ASCC3: variants seen among roughly 807,000 people sequenced by gnomAD.
The protein encoded by ASCC3 is ASC-1 complex subunit P200.
A neutral mutation model predicts 256.3 loss-of-function variants in ASCC3; 158 were observed. The ratio of observed to expected loss-of-function variants is 0.62; its 90% CI spans 0.54 to 0.70. The LOEUF (loss-of-function observed/expected upper bound fraction) is 0.70. Among genes scored for constraint, ASCC3 ranks in the 30% least tolerant of loss-of-function variants. ASCC3 has a pLI of 0.00. For synonymous variants in ASCC3, 948 were observed against 883.4 expected (o/e 1.07, Z -1.30); for missense variants, 2,259 against 2,626.0 (o/e 0.86, Z 3.05).
At chr6:100,741,464 C>T (rs752451090) in intron 10 of ASCC3, among the ~76,000 whole-genome samples, 4 of 152,122 alleles carry the variant, frequency 2.6e-5, no homozygotes, top group East Asian at 3.9e-4. Flanking sequence ...TGGATGATAT[C>T]CTGAAGTATG....
At chr6:100,537,870 C>A (rs1009965025) in intron 37 of ASCC3, among the ~76,000 whole-genome samples, 1 of 150,270 alleles carries the variant, frequency 6.7e-6, no homozygotes, top group African/African-American at 2.4e-5. Flanking sequence ...TTATCCCAGA[C>A]ACTGTATATA....
chr6:100,608,069 T>TACATATATGTATATATCGATATAC (rs1773008513), intron 30 of ASCC3, among the ~76,000 whole-genome samples: 1 of 92,200 alleles, frequency 1.1e-5, no homozygotes, highest in African/African-American at 3.9e-5. Context: ...CACATATATA[T>TACATATATGTATATATCGATATAC]ACATATATAT....
chr6:100,730,932 G>A (rs1182319043), intron 10 of ASCC3, among the ~76,000 whole-genome samples: 1 of 152,114 alleles, frequency 6.6e-6, no homozygotes, highest in Non-Finnish European at 1.5e-5. Flanking sequence ...AAGGATGGTG[G>A]CTTTCAATTA....
In ASCC3 at chr6:100,650,688, T is replaced by C. The variant is rs752852098; in HGVS notation, c.3102A>G (p.Leu1034=). The C allele has an allele frequency of 1.2e-6, 2 of 1,611,298 alleles. No individual in the cohort carries two copies. The highest frequency in any genetic ancestry group is 1.7e-6 in the Non-Finnish European group (2 of 1,177,980). Residue 1034 remains leucine (L), a synonymous_variant, in exon 20 of 42, where the codon TTA becomes TTG. Coordinates refer to ENST00000369162, the MANE Select transcript of ASCC3 (RefSeq NM_006828.4). ...IKVREEEIEE[L]DTLLSNFCEL... ...CACAAAAATTGCTTAATAAGGTATC[T>C]AACTCCTCTATTTCCTCTTCTCTGA...
intron 36 of ASCC3, among the ~76,000 whole-genome samples, chr6:100,542,982 T>A (rs1001940551): frequency 2.0e-5 from 3 of 152,078 alleles, no homozygotes; most frequent in Admixed American, 6.5e-5. Context: ...TAAACAAAAA[T>A]AATAAATAAT....
intron 41 of ASCC3, among the ~76,000 whole-genome samples, 187 bp downstream of exon 41, chr6:100,509,745 G>A (rs920210621): frequency 3.9e-5 from 6 of 152,054 alleles, no homozygotes; most frequent in Non-Finnish European, 8.8e-5. Flanking sequence ...AAAATTAGCC[G>A]GGCGCAGTGG....
At chr6:100,619,224 T>C (rs1340752016) in intron 30 of ASCC3, among the ~76,000 whole-genome samples, 1 of 152,210 alleles carries the variant, frequency 6.6e-6, no homozygotes, top group African/African-American at 2.4e-5. Flanking sequence ...CTCTTCCCTA[T>C]AACTCTAGCT....
intron 3 of ASCC3, among the ~76,000 whole-genome samples, chr6:100,855,727 T>C (rs1392256517): frequency 1.3e-5 from 2 of 152,222 alleles, no homozygotes; most frequent in East Asian, 1.9e-4. Flanking sequence ...TAGAAGCAAC[T>C]ATTTGTTTAC....
At chr6:100,565,596 T>C (rs1159436683) in intron 36 of ASCC3, among the ~76,000 whole-genome samples, 2 of 152,258 alleles carry the variant, frequency 1.3e-5, no homozygotes, top group East Asian at 3.9e-4. Flanking sequence ...CAGTGAAGGT[T>C]CATTTTTTTA....
chr6:100,615,402 A>C (rs1279552423), intron 30 of ASCC3, among the ~76,000 whole-genome samples: 2 of 151,150 alleles, frequency 1.3e-5, no homozygotes, highest in African/African-American at 4.9e-5. Context: ...ATGGCAGATT[A>C]AAATAACAGA....
In ASCC3 at chr6:100,755,024, C is replaced by T. The variant is rs569942501; in HGVS notation, c.1737+11541G>A. On this transcript the variant is annotated intron_variant, in intron 10 of 41. Transcript: ENST00000369162. ...AAACCTCTTTTTCTTTATAAATTAC[C>T]CAGTCTCGGGTATTTCTTCATAGCA... Among the ~76,000 whole-genome samples the T allele has an allele frequency of 4.6e-5, 7 of 151,924 alleles. No individual in the cohort carries two copies. In the South Asian group the frequency reaches 1.5e-3, roughly 32 times the overall value.
intron 10 of ASCC3, among the ~76,000 whole-genome samples, chr6:100,737,071 C>T (rs773735339): frequency 1.1e-4 from 16 of 151,094 alleles, no homozygotes; most frequent in Non-Finnish European, 1.9e-4. Context: ...TGCTTGAACC[C>T]GAGAGGTGGA....
chr6:100,546,590 G>A (rs1775728112), intron 36 of ASCC3, among the ~76,000 whole-genome samples: 1 of 152,070 alleles, frequency 6.6e-6, no homozygotes, highest in South Asian at 2.1e-4. Flanking sequence ...GCAATCTACT[G>A]TATGATAGAA....
At chr6:100,644,165 C>A (rs760197209) in intron 22 of ASCC3, 36 bp from the exon 23 acceptor site, 3 of 1,384,354 alleles carry the variant, frequency 2.2e-6, no homozygotes, top group South Asian at 2.3e-5. Context: ...CTATGCATAT[C>A]ATAACTCAAA....
At chr6:100,833,415 G>A (rs1275797857) in intron 4 of ASCC3, among the ~76,000 whole-genome samples, 1 of 152,128 alleles carries the variant, frequency 6.6e-6, no homozygotes, top group Non-Finnish European at 1.5e-5. Context: ...CCCATACAAT[G>A]TATAATACCA....
At chr6:100,766,097 T>C (rs1781643376) in intron 10 of ASCC3, among the ~76,000 whole-genome samples, 1 of 152,180 alleles carries the variant, frequency 6.6e-6, no homozygotes, top group South Asian at 2.1e-4. Flanking sequence ...TTTCGTCTAA[T>C]ATAGTGCTAT....
chr6:100,740,782 T>C (rs2115069130), intron 10 of ASCC3, among the ~76,000 whole-genome samples: 1 of 152,338 alleles, frequency 6.6e-6, no homozygotes, highest in South Asian at 2.1e-4. Flanking sequence ...ATTTTGAGTT[T>C]ATGTGTGTCT....
intron 8 of ASCC3, among the ~76,000 whole-genome samples, chr6:100,775,397 A>G (rs577747131): frequency 3.3e-5 from 5 of 152,254 alleles, no homozygotes; most frequent in Admixed American, 2.6e-4. Flanking sequence ...AGAAATTATC[A>G]GAGGGAACTG....
intron 13 of ASCC3, among the ~76,000 whole-genome samples, chr6:100,706,094 G>T (rs1778568580): frequency 6.6e-6 from 1 of 151,512 alleles, no homozygotes; most frequent in South Asian, 2.1e-4. Context: ...AAACAGAAAA[G>T]AATCTCAGAA....
Sources: allele counts gnomAD v4.1 joint callset (sites outside exome capture counted in the v4.1 genomes callset), GRCh38; gene constraint gnomAD v4.1.1; transcripts MANE v1.5; gene names NCBI Gene and HGNC (gene_info 2026-07-23, HGNC 2026-07-21).